Variants in PLCG2 observed in about 807,000 individuals in gnomAD.
PLCG2 encodes the protein phospholipase C gamma 2.
A neutral mutation model predicts 175.6 loss-of-function variants in PLCG2; 69 were observed. The observed-to-expected ratio is 0.39, with a 90% confidence interval of 0.32 to 0.48. The LOEUF (loss-of-function observed/expected upper bound fraction) is 0.48, where lower values mean the gene tolerates loss of function less well. Among genes scored for constraint, PLCG2 ranks in the 20% least tolerant of loss-of-function variants. The pLI is 0.91. For synonymous variants in PLCG2, 827 were observed against 624.0 expected, an observed-to-expected ratio of 1.33 and a Z score of -4.85; for missense variants, 1,798 against 1,650.9, an observed-to-expected ratio of 1.09 and a Z score of -1.54.
intron 7 of PLCG2, among the ~76,000 whole-genome samples, chr16:81,878,796 C>A (rs1454337629): frequency 6.6e-6 from 1 of 152,194 alleles, no homozygotes; most frequent in Non-Finnish European, 1.5e-5. Flanking sequence ...GCCCGACTGT[C>A]TTCCTTATCT....
At chr16:81,887,277 G>A (rs1174496856) in intron 9 of PLCG2, among the ~76,000 whole-genome samples, 5 of 152,010 alleles carry the variant, frequency 3.3e-5, no homozygotes, top group Admixed American at 6.6e-5. Flanking sequence ...CCGCCACCAC[G>A]CCCAGCTAAT....
At chr16:81,762,967 G>A (rs1910071869) in intron 2 of PLCG2, among the ~76,000 whole-genome samples, 1 of 152,170 alleles carries the variant, frequency 6.6e-6, no homozygotes, top group African/African-American at 2.4e-5. Context: ...TGAGGCAGGA[G>A]GATCCCTTAA....
intron 2 of PLCG2, among the ~76,000 whole-genome samples, chr16:81,836,556 C>T (rs117353991): frequency 0.058 from 8,882 of 152,240 alleles, 338 homozygotes; most frequent in Non-Finnish European, 0.083. Context: ...GCCTGGTTAA[C>T]ATGGTGAAAC....
At chr16:81,805,226 T>A (rs8045609) in intron 2 of PLCG2, among the ~76,000 whole-genome samples, 144,360 of 152,248 alleles carry the variant, frequency 0.95, 68,861 homozygotes, top group East Asian at 1. Flanking sequence ...AAGGCCAGGC[T>A]CGGTAGCTCA....
At chr16:81,837,024 A>C (rs1001639903) in intron 2 of PLCG2, among the ~76,000 whole-genome samples, 2 of 152,198 alleles carry the variant, frequency 1.3e-5, no homozygotes, top group Non-Finnish European at 2.9e-5. Context: ...AGCGTTCTCC[A>C]TGGGAAGACT....
chr16:81,921,968 T>C (rs375699249), intron 21 of PLCG2, among the ~76,000 whole-genome samples: 181 of 152,300 alleles, frequency 1.2e-3, no homozygotes, highest in African/African-American at 4.2e-3. Context: ...GTGAAATGCA[T>C]TAAGAGACCT....
chr16:81,774,757 T>C (rs189939031), upstream of PLCG2, among the ~76,000 whole-genome samples: 2 of 151,024 alleles, frequency 1.3e-5, no homozygotes, highest in Non-Finnish European at 3.0e-5. Flanking sequence ...TTTTTTTTTT[T>C]GGTCAGGGTC....
rs1196370326 is a variant in PLCG2 at position 81,958,066 on chromosome 16, C to T, written c.*68C>T. 3.7e-6 allele frequency: 4 copies of T among 1,089,172 alleles called. No individual in the cohort carries two copies. Among genetic ancestry groups the T allele is most frequent in the South Asian group, 1.3e-5 (1 of 79,288 alleles). 67.5% of individuals were successfully genotyped at this position (1,089,172 alleles called of 1,614,324 possible). Reference sequence around the variant, plus strand: ...TGTGTTTGCATGTAGGAGAACGTGCCCTATTCACACTCTGGGAAGACGCTA... The same window carrying T: ...TGTGTTTGCATGTAGGAGAACGTGCTCTATTCACACTCTGGGAAGACGCTA... On this transcript the variant is annotated 3_prime_UTR_variant, in exon 33 of 33. Coordinates refer to ENST00000564138, the MANE Select transcript of PLCG2 (RefSeq NM_002661.5).
rs375028352 is a variant in PLCG2 at position 81,887,221 on chromosome 16, G to A, written c.766-1951G>A. 4.0e-5 allele frequency among the ~76,000 whole-genome samples: 6 copies of A among 151,564 alleles called. No homozygotes were observed. In the East Asian group the frequency reaches 7.8e-4, roughly 20 times the overall value. On this transcript the variant is annotated intron_variant, in intron 9 of 32. Transcript: ENST00000564138. ...CGCAAACTCTGTCTCCTGGGTTCAC[G>A]CCATTCTCCTGCCTCAGCCTCCCGA... is the stretch of plus-strand genomic sequence containing the variant.
chr16:81,788,307 G>A (rs1286171699), intron 2 of PLCG2, among the ~76,000 whole-genome samples: 1 of 152,162 alleles, frequency 6.6e-6, no homozygotes, highest in Non-Finnish European at 1.5e-5. Flanking sequence ...AATAGACAGA[G>A]TCTCGCTCTG....
chr16:81,944,281 A>C (rs1340526153), intron 30 of PLCG2, among the ~76,000 whole-genome samples: 3 of 148,152 alleles, frequency 2.0e-5, no homozygotes, highest in African/African-American at 7.3e-5. Flanking sequence ...GACTCAACCA[A>C]CCAAGCTTGG....
chr16:81,900,612 C>A lies in PLCG2; in HGVS notation c.1194C>A (p.Ser398Arg), dbSNP rs1051315426. The change falls in exon 14 of 33, where the codon AGC becomes AGA. Residue 398 changes from serine (S) to arginine (R), a missense_variant and splice_region_variant. Transcript: ENST00000564138. ...GCTGCCCACCCTCTTCTGCCTGCAG[C>A]TTCCCAGTGATCCTGTCCATCGAGG... ...AIKDHAFVTSSFPVILSIEEH... is the reference protein window; with the variant it reads ...AIKDHAFVTSRFPVILSIEEH... 4.4e-6 allele frequency: 7 copies of A among 1,587,958 alleles called. No individual in the cohort carries two copies. The highest frequency in any genetic ancestry group is 6.0e-6 in the Non-Finnish European group (7 of 1,158,826).
intron 20 of PLCG2, 147 bp downstream of exon 20, chr16:81,919,811 A>C (rs1248318903): frequency 2.9e-5 from 19 of 650,488 alleles, no homozygotes. Flanking sequence ...CACAACAAAG[A>C]CCCTGCCGTT....
chr16:81,858,900 A>G (rs1226231119), intron 4 of PLCG2, among the ~76,000 whole-genome samples: 1 of 152,212 alleles, frequency 6.6e-6, no homozygotes, highest in Non-Finnish European at 1.5e-5. Flanking sequence ...TTGACAATGT[A>G]AAGAAACCTG....
At position 81,742,378 on chromosome 16, in the gene PLCG2, G is replaced by C. The variant is rs994522096; in HGVS notation, c.-145+2993G>C. 2.6e-5 allele frequency among the ~76,000 whole-genome samples: 4 copies of C among 152,158 alleles called. No homozygotes were observed. The East Asian group carries it at 7.7e-4, about 29-fold the overall frequency. On this transcript the variant is annotated intron_variant, in intron 1 of 5. Transcript: ENST00000565054. The stretch of plus-strand genomic sequence containing the variant: ...CAGGTGCAGAGTTGAGGATGGTGCT[G>C]CTTCACAGGTGATGACCCTGCCTGT...
intron 2 of PLCG2, among the ~76,000 whole-genome samples, chr16:81,764,383 C>T (rs1020019759): frequency 1.3e-5 from 2 of 152,188 alleles, no homozygotes; most frequent in African/African-American, 4.8e-5. Flanking sequence ...CCCCATCTCT[C>T]CATGGACGAA....
intron 14 of PLCG2, among the ~76,000 whole-genome samples, chr16:81,901,787 G>A (rs1400421325): frequency 6.6e-6 from 1 of 152,128 alleles, no homozygotes; most frequent in African/African-American, 2.4e-5. Context: ...AGGTTATTAG[G>A]TCTGCCTCTA....
intron 30 of PLCG2, among the ~76,000 whole-genome samples, chr16:81,941,917 T>C (rs1205017471): frequency 1.3e-5 from 2 of 152,204 alleles, no homozygotes; most frequent in Non-Finnish European, 2.9e-5. Context: ...TGAACCACTG[T>C]GCCTGGCCTA....
intron 2 of PLCG2, among the ~76,000 whole-genome samples, chr16:81,793,411 G>A (rs994296263): frequency 6.6e-6 from 1 of 152,176 alleles, no homozygotes; most frequent in African/African-American, 2.4e-5. Flanking sequence ...GAAAGGCTTG[G>A]ATTTTGTCTC....
Sources: gnomAD v4.1 joint callset for allele counts (sites outside exome capture counted in the v4.1 genomes callset) on GRCh38, gnomAD v4.1.1 for gene constraint, MANE v1.5 for transcripts, NCBI Gene and HGNC (gene_info 2026-07-23, HGNC 2026-07-21) for gene names.